The following LRRTM4 variants were observed in gnomAD, a reference collection of about 807,000 sequenced individuals.
The protein encoded by LRRTM4 is leucine rich repeat transmembrane neuronal 4.
Under a neutral mutation model 47.6 loss-of-function variants are expected in LRRTM4, and 25 were observed. The observed-to-expected ratio is 0.53, with a 90% confidence interval of 0.38 to 0.73. LRRTM4 has a LOEUF of 0.73. LRRTM4 is among the 30% of genes least tolerant of loss of function. The pLI is 0.00. For synonymous variants in LRRTM4, 311 were observed against 269.5 expected (o/e 1.15, Z -1.51); for missense variants, 638 against 713.4 (o/e 0.89, Z 1.20).
intron 3 of LRRTM4, among the ~76,000 whole-genome samples, chr2:77,060,361 T>C (rs1679746392): frequency 6.6e-6 from 1 of 152,184 alleles, no homozygotes; most frequent in South Asian, 2.1e-4. Flanking sequence ...ATTGGCTTTA[T>C]TGAATAGTAA....
chr2:76,833,837 A>G (rs1295901939), intron 3 of LRRTM4, among the ~76,000 whole-genome samples: 1 of 151,630 alleles, frequency 6.6e-6, no homozygotes, highest in Non-Finnish European at 1.5e-5. Flanking sequence ...CATGTACCTT[A>G]TATACTGTGC....
intron 3 of LRRTM4, among the ~76,000 whole-genome samples, chr2:76,800,140 G>A (rs1025821402): frequency 2.0e-4 from 29 of 147,736 alleles, no homozygotes; most frequent in East Asian, 6.1e-4. Context: ...AGCCCGCATC[G>A]CCAAGTCAAT....
chr2:77,289,633 C>A (rs541482965), intron 3 of LRRTM4, among the ~76,000 whole-genome samples: 8 of 151,824 alleles, frequency 5.3e-5, no homozygotes, highest in East Asian at 1.9e-4. Flanking sequence ...AGGTTACTAC[C>A]GACAATTTGG....
chr2:77,023,087 C>A (rs956194194), intron 3 of LRRTM4, among the ~76,000 whole-genome samples: 1 of 152,240 alleles, frequency 6.6e-6, no homozygotes, highest in Non-Finnish European at 1.5e-5. Context: ...AACCCCAATT[C>A]TTGACTTCTG....
chr2:77,048,748 A>T (rs1405598752), intron 3 of LRRTM4, among the ~76,000 whole-genome samples: 1 of 151,848 alleles, frequency 6.6e-6, no homozygotes. Flanking sequence ...CTATCATCTC[A>T]TTTATTGTTT....
intron 3 of LRRTM4, among the ~76,000 whole-genome samples, chr2:76,927,695 CT>C (rs1371997096): frequency 6.6e-6 from 1 of 151,932 alleles, no homozygotes; most frequent in African/African-American, 2.4e-5. Flanking sequence ...ATTTAGTATC[CT>C]TGATTGTGTA....
intron 3 of LRRTM4, among the ~76,000 whole-genome samples, chr2:77,396,309 A>G (rs1456970193): frequency 1.3e-5 from 2 of 151,892 alleles, no homozygotes; most frequent in African/African-American, 2.4e-5. Flanking sequence ...GCTGAACTCA[A>G]CAGACATTGT....
chr2:76,903,387 T>G (rs1673710300), intron 3 of LRRTM4, among the ~76,000 whole-genome samples: 1 of 151,636 alleles, frequency 6.6e-6, no homozygotes. Flanking sequence ...ATACAAAAAT[T>G]TAGCCAGGTG....
At chr2:76,869,530 G>A (rs1672563997) in intron 3 of LRRTM4, among the ~76,000 whole-genome samples, 1 of 152,090 alleles carries the variant, frequency 6.6e-6, no homozygotes, top group African/African-American at 2.4e-5. Context: ...AAAATGAATG[G>A]AAGGTGGGAA....
At chr2:77,412,629 C>G (rs1674487634) in intron 3 of LRRTM4, among the ~76,000 whole-genome samples, 1 of 152,190 alleles carries the variant, frequency 6.6e-6, no homozygotes, top group African/African-American at 2.4e-5. Context: ...CAATCACAGT[C>G]TGTAAGTGTA....
chr2:77,179,633 T>TA (rs765243954), intron 3 of LRRTM4, among the ~76,000 whole-genome samples: 1 of 152,026 alleles, frequency 6.6e-6, no homozygotes, highest in Non-Finnish European at 1.5e-5. Context: ...TTTACTCTAT[T>TA]AAAAAAATTA....
chr2:77,092,519 T>G (rs1040886735), intron 3 of LRRTM4, among the ~76,000 whole-genome samples: 39 of 142,820 alleles, frequency 2.7e-4, no homozygotes, highest in Non-Finnish European at 4.9e-4. Flanking sequence ...GCTATTCTAC[T>G]ACTCCTCAGG....
intron 3 of LRRTM4, among the ~76,000 whole-genome samples, chr2:76,883,634 C>T (rs1672991612): frequency 6.6e-6 from 1 of 152,074 alleles, no homozygotes; most frequent in Admixed American, 6.6e-5. Context: ...TCACCATATG[C>T]CACTCTTCCC....
intron 3 of LRRTM4, among the ~76,000 whole-genome samples, chr2:76,905,285 G>C (rs974764260): frequency 1.3e-5 from 2 of 152,158 alleles, no homozygotes; most frequent in African/African-American, 4.8e-5. Flanking sequence ...CTGCGGCTGA[G>C]GGTCCTGTCT....
rs371268932 is a variant in LRRTM4 at position 77,014,354 on chromosome 2, T to A, written c.1552-265438A>T. Among the ~76,000 whole-genome samples the A allele has an allele frequency of 1.3e-4, 20 of 152,070 alleles. 1 individual carries two copies. In the South Asian group the frequency reaches 4.0e-3, roughly 30 times the overall value. On this transcript the variant is annotated intron_variant, in intron 3 of 3. Coordinates refer to ENST00000409884, the MANE Select transcript of LRRTM4 (RefSeq NM_001134745.3). ...AAATATTAATTTATTATAAAAAGAA[T>A]AGCTACTCACTGAAATATTTCAAAT...
chr2:76,803,806 G>A (rs1325805577), intron 3 of LRRTM4, among the ~76,000 whole-genome samples: 1 of 152,074 alleles, frequency 6.6e-6, no homozygotes, highest in African/African-American at 2.4e-5. Flanking sequence ...AGTGGTTCAC[G>A]GTCCCTGAAA....
chr2:77,069,425 GTGTGTGTGTGTGTT>G (rs899884275), intron 3 of LRRTM4, among the ~76,000 whole-genome samples: 8 of 150,924 alleles, frequency 5.3e-5, no homozygotes, highest in African/African-American at 1.7e-4. Flanking sequence ...GTGTGTGTGT[GTGTGTGTGTGTGTT>G]TGTGTGTGTT....
At chr2:76,776,387 G>A (rs9786108) in intron 3 of LRRTM4, among the ~76,000 whole-genome samples, 2 of 152,106 alleles carry the variant, frequency 1.3e-5, no homozygotes, top group Non-Finnish European at 2.9e-5. Context: ...GTGTAAAAGT[G>A]TTCCTATTTC....
In LRRTM4 at chr2:76,944,152, C is replaced by T. The variant is rs139477268; in HGVS notation, c.1552-195236G>A. Among the ~76,000 whole-genome samples, 124 of 152,178 alleles carry T rather than the reference C, an allele frequency of 8.1e-4. 1 individual carries two copies. Among genetic ancestry groups the T allele is most frequent in the African/African-American group, 2.9e-3 (119 of 41,528 alleles). On this transcript the variant is annotated intron_variant, in intron 3 of 3. Coordinates refer to ENST00000409884, the MANE Select transcript of LRRTM4 (RefSeq NM_001134745.3). Reference sequence around the variant, plus strand: ...CTCTTCTTACTCTATTCTGGATATTCGAGTCACACTAGCTTTCACTGTGTT... The same window carrying T: ...CTCTTCTTACTCTATTCTGGATATTTGAGTCACACTAGCTTTCACTGTGTT...
Sources: allele counts gnomAD v4.1 joint callset (sites outside exome capture counted in the v4.1 genomes callset), GRCh38; gene constraint gnomAD v4.1.1; transcripts MANE v1.5; gene names NCBI Gene and HGNC (gene_info 2026-07-23, HGNC 2026-07-21).